Variants in NCAM1 observed in about 807,000 individuals in gnomAD.
NCAM1 encodes neural cell adhesion molecule 1, also known as antigen recognized by monoclonal antibody 5.1H11.
NCAM1 carries 14 observed loss-of-function variants against 109.8 expected under a neutral mutation model. The ratio of observed to expected loss-of-function variants is 0.13; its 90% confidence interval spans 0.08 to 0.20. The LOEUF (loss-of-function observed/expected upper bound fraction) is 0.20, where lower values mean the gene tolerates loss of function less well. NCAM1 is among the 10% of genes least tolerant of loss of function. NCAM1 has a pLI of 1.00. For missense variants in NCAM1, 774 were observed against 1,109.9 expected (o/e 0.70, Z 4.30); for synonymous variants, 418 against 442.9 (o/e 0.94, Z 0.70).
At chr11:113,009,743 C>T (rs1457143234) in intron 1 of NCAM1, among the ~76,000 whole-genome samples, 2 of 152,048 alleles carry the variant, frequency 1.3e-5, no homozygotes, top group African/African-American at 2.4e-5. Context: ...CAGGGTCTTA[C>T]AGATGTTTTG....
intron 1 of NCAM1, among the ~76,000 whole-genome samples, chr11:113,137,814 A>G (rs1941656465): frequency 6.6e-6 from 1 of 152,224 alleles, no homozygotes; most frequent in South Asian, 2.1e-4. Flanking sequence ...ACATACATAT[A>G]TAGACACACA....
At chr11:113,125,337 C>G (rs1018202786) in intron 1 of NCAM1, among the ~76,000 whole-genome samples, 6 of 152,168 alleles carry the variant, frequency 3.9e-5, no homozygotes, top group African/African-American at 1.4e-4. Context: ...CTTAGAAATT[C>G]TAAACCCTAA....
At chr11:113,008,983 C>T (rs868928572) in intron 1 of NCAM1, among the ~76,000 whole-genome samples, 9 of 152,118 alleles carry the variant, frequency 5.9e-5, no homozygotes, top group Middle Eastern at 3.2e-3. Flanking sequence ...TTTTTCTGAC[C>T]GATCTCCCAT....
intron 14 of NCAM1, among the ~76,000 whole-genome samples, chr11:113,245,161 T>C (rs1565526360): frequency 6.6e-6 from 1 of 152,192 alleles, no homozygotes; most frequent in African/African-American, 2.4e-5. Flanking sequence ...AGATATAACT[T>C]TAACCACAAC....
chr11:113,049,877 G>A (rs1953404050), intron 1 of NCAM1, among the ~76,000 whole-genome samples: 1 of 152,148 alleles, frequency 6.6e-6, no homozygotes, highest in African/African-American at 2.4e-5. Context: ...GCTGAAGCAG[G>A]TGTGAGAGAA....
chr11:113,259,303 G>A (rs1053500872), intron 16 of NCAM1, among the ~76,000 whole-genome samples: 7 of 151,846 alleles, frequency 4.6e-5, no homozygotes, highest in Non-Finnish European at 8.8e-5. Flanking sequence ...CGCCCGCCTC[G>A]GCCTCCCAAA....
chr11:113,273,008 T>C lies in NCAM1; in HGVS notation c.2456+1132T>C, dbSNP rs1555125801. On this transcript the variant is annotated intron_variant, in intron 19 of 19. Transcript: ENST00000316851. The surrounding 1 kb of genome is among the most constrained non-coding windows in gnomAD (Gnocchi z 6.0). ...CCACCGTCACCACTAACTCTGACACTATCACCGAAACCTTTGCCACTGCTC... is the reference window on the plus strand; with the variant it reads ...CCACCGTCACCACTAACTCTGACACCATCACCGAAACCTTTGCCACTGCTC... 1 of 456,798 alleles carries C rather than the reference T, an allele frequency of 2.2e-6. No individual in the cohort carries two copies. The highest frequency in any genetic ancestry group is 7.0e-5 in the East Asian group (1 of 14,356). The allele number at this position is 456,798 out of a possible 1,614,324, so 28.3% of individuals were successfully genotyped here. A position where few individuals can be genotyped will look rare whatever the true frequency, so the allele number is the denominator to read the frequency against.
chr11:112,969,885 A>G (rs1950828964), intron 1 of NCAM1, among the ~76,000 whole-genome samples: 1 of 152,182 alleles, frequency 6.6e-6, no homozygotes, highest in Non-Finnish European at 1.5e-5. Context: ...CATGAAAGAT[A>G]TTATATCAGT....
chr11:113,185,390 A>T (rs201137245), intron 1 of NCAM1, among the ~76,000 whole-genome samples: 1 of 152,154 alleles, frequency 6.6e-6, no homozygotes, highest in Admixed American at 6.5e-5. Context: ...AGGCACACCC[A>T]CATTGGGAAA....
At chr11:113,184,934 G>A (rs1326691000) in intron 1 of NCAM1, among the ~76,000 whole-genome samples, 1 of 151,718 alleles carries the variant, frequency 6.6e-6, no homozygotes, top group Non-Finnish European at 1.5e-5. Flanking sequence ...AAAATATGAT[G>A]TTTTCATGTA....
chr11:113,174,522 G>A (rs1943089885), intron 1 of NCAM1, among the ~76,000 whole-genome samples: 1 of 152,120 alleles, frequency 6.6e-6, no homozygotes, highest in Admixed American at 6.5e-5. Context: ...CTGGAATAGG[G>A]GTCTTATGTG....
chr11:113,031,722 G>T (rs1217207155), intron 1 of NCAM1, among the ~76,000 whole-genome samples: 10 of 151,946 alleles, frequency 6.6e-5, no homozygotes, highest in Admixed American at 1.3e-4. Flanking sequence ...AAGAAAAAAG[G>T]ACACTTGTTT....
chr11:113,225,886 A>G lies in NCAM1; in HGVS notation c.1089+4561A>G, dbSNP rs1413069648. ...CCTTTACAGACAAGCAAATGCTGAGAGATTTTGTCACCACCAGGCCTGCCC... is the reference window on the plus strand; with the variant it reads ...CCTTTACAGACAAGCAAATGCTGAGGGATTTTGTCACCACCAGGCCTGCCC... On this transcript the variant is annotated intron_variant, in intron 9 of 19. Transcript: ENST00000316851. Among the ~76,000 whole-genome samples, 11 of 152,314 alleles carry G rather than the reference A, an allele frequency of 7.2e-5. 1 individual carries two copies. Among genetic ancestry groups the G allele is most frequent in the Admixed American group, 6.5e-4 (10 of 15,304 alleles).
At chr11:113,110,057 G>A (rs1303143590) in intron 1 of NCAM1, among the ~76,000 whole-genome samples, 2 of 152,154 alleles carry the variant, frequency 1.3e-5, no homozygotes, top group Non-Finnish European at 2.9e-5. Flanking sequence ...TGGCCAAAGT[G>A]CATGGAGCTA....
At chr11:112,979,799 T>C (rs546713898) in intron 1 of NCAM1, among the ~76,000 whole-genome samples, 2 of 152,014 alleles carry the variant, frequency 1.3e-5, no homozygotes, top group East Asian at 3.9e-4. Context: ...ACATAATTTT[T>C]AGAATGTATA....
rs200953789 is a variant in NCAM1 at position 113,260,286 on chromosome 11, T to C, written c.2094T>C (p.Phe698=). 1.7e-5 allele frequency: 28 copies of C among 1,613,832 alleles called. No individual in the cohort carries two copies. Among genetic ancestry groups the C allele is most frequent in the Non-Finnish European group, 2.2e-5 (26 of 1,179,868 alleles). ...AAGGAAAATCCAAGGCGGCTCATTT[T>C]GTGTTCAGGACCTCGGCCCAGCCCA... ...NQQGKSKAAH[F]VFRTSAQPTA... is the part of the protein sequence containing the mutation. Residue 698 remains phenylalanine, a synonymous_variant, in exon 17 of 20, where the codon TTT becomes TTC. Transcript: ENST00000316851.
In NCAM1 at chr11:112,961,560, G is replaced by A. The variant is rs371422820; in HGVS notation, c.-53G>A. On this transcript the variant is annotated 5_prime_UTR_variant, in exon 1 of 20. Coordinates refer to ENST00000316851, the MANE Select transcript of NCAM1 (RefSeq NM_181351.5). ...CGCCGTCCACACTCGCTGCAGGGGG[G>A]GGGGCACAGAATTTACCGCGGCAAG... 3.1e-5 allele frequency: 36 copies of A among 1,144,656 alleles called. No homozygotes were observed. The highest frequency in any genetic ancestry group is 8.4e-5 in the Admixed American group (5 of 59,202). 70.9% of individuals were successfully genotyped at this position (1,144,656 alleles called of 1,614,324 possible). A position where few individuals can be genotyped will look rare whatever the true frequency, so the allele number is the denominator to read the frequency against.
intron 1 of NCAM1, among the ~76,000 whole-genome samples, chr11:113,162,603 T>G (rs1487094862): frequency 6.6e-6 from 1 of 152,234 alleles, no homozygotes; most frequent in Non-Finnish European, 1.5e-5. Context: ...AAAATTGTTT[T>G]AATGGATTTT....
chr11:113,039,604 A>G (rs1161104478), intron 1 of NCAM1, among the ~76,000 whole-genome samples: 1 of 152,216 alleles, frequency 6.6e-6, no homozygotes, highest in Non-Finnish European at 1.5e-5. Flanking sequence ...CACAGGATGT[A>G]AGTTGAATTA....
Sources: gnomAD v4.1 joint callset for allele counts (sites outside exome capture counted in the v4.1 genomes callset) on GRCh38, gnomAD v4.1.1 for gene constraint, Gnocchi (gnomAD v3.1) non-coding constraint, MANE v1.5 for transcripts, NCBI Gene and HGNC (gene_info 2026-07-23, HGNC 2026-07-21) for gene names.